The following AKAP8L variants were observed in gnomAD, a reference collection of about 807,000 sequenced individuals.
AKAP8L encodes the protein A-kinase anchoring protein 8 like, also known as A-kinase anchor protein 8-like.
In AKAP8L, 34 loss-of-function variants were observed where a neutral mutation model predicts 77.5. The ratio of observed to expected loss-of-function variants is 0.44; its 90% CI spans 0.33 to 0.58. The LOEUF (loss-of-function observed/expected upper bound fraction) is 0.58. Among genes scored for constraint, AKAP8L ranks in the 20% least tolerant of loss-of-function variants. The pLI, the probability that AKAP8L is intolerant of heterozygous loss-of-function variation, is 0.02. For synonymous variants in AKAP8L, 342 were observed against 340.7 expected, an observed-to-expected ratio of 1.00 and a Z score of -0.04; for missense variants, 806 against 887.6, an observed-to-expected ratio of 0.91 and a Z score of 1.17.
In AKAP8L at chr19:15,401,596, A is replaced by G; in HGVS notation, c.370T>C (p.Ser124Pro). The G allele has an allele frequency of 6.3e-7, 1 of 1,591,466 alleles. No individual in the cohort carries two copies. Among genetic ancestry groups the G allele is most frequent in the Non-Finnish European group, 8.5e-7 (1 of 1,169,790 alleles). ...VYGSGGERYD[S>P]YESCDSRAVL... ...GCCCTCGAGTCGCAGGACTCATAAG[A>G]GTCATACCTGCAGAGGCATGGGGTG... is the stretch of plus-strand genomic sequence containing the variant. Residue 124 changes from serine to proline, a missense_variant, in exon 5 of 14, where the codon TCT becomes CCT. Ser to Pro is a moderately conservative substitution (Grantham distance 74, BLOSUM62 -1). Coordinates refer to ENST00000397410, the MANE Select transcript of AKAP8L (RefSeq NM_014371.4). This position sits in a 1 kb window ranked among gnomAD's most constrained non-coding sequence, Gnocchi z 6.2.
intron 2 of AKAP8L, among the ~76,000 whole-genome samples, chr19:15,404,511 G>T (rs1006497600): frequency 1.3e-5 from 2 of 152,216 alleles, no homozygotes; most frequent in African/African-American, 4.8e-5. Context: ...GAGAAAAGCT[G>T]TGGAGAGAAC....
At chr19:15,395,162 T>C in intron 12 of AKAP8L, among the ~76,000 whole-genome samples, 1 of 152,124 alleles carries the variant, frequency 6.6e-6, no homozygotes, top group Admixed American at 6.5e-5. Flanking sequence ...CCTGAGTAGC[T>C]GGGACTACAT....
chr19:15,415,417 A>G (rs1968185234), intron 1 of AKAP8L, among the ~76,000 whole-genome samples: 1 of 152,182 alleles, frequency 6.6e-6, no homozygotes, highest in Non-Finnish European at 1.5e-5. Flanking sequence ...CCTGGGCAAC[A>G]TAGTGAGACC....
At position 15,395,983 on chromosome 19, in the gene AKAP8L, CAAAA is replaced by C. The variant is rs751904092; in HGVS notation, c.1536+1163_1536+1166del. 4.4e-4 allele frequency among the ~76,000 whole-genome samples: 18 copies of C among 40,502 alleles called. No homozygotes were observed. In the East Asian group the frequency reaches 6.3e-3, roughly 14 times the overall value. 26.6% of individuals were successfully genotyped at this position (40,502 alleles called of 152,430 possible). A position where few individuals can be genotyped will look rare whatever the true frequency, so the allele number is the denominator to read the frequency against. ...TGGGCGACAGAGCGAGACTCCGTCT[CAAAA>C]AAAAAAAAAAAAAAAGAATCTGTTT... On this transcript the variant is annotated intron_variant, in intron 12 of 13. Transcript: ENST00000397410.
Position 15,402,644 on chromosome 19 carries a change from G to A in AKAP8L, c.362+831C>T, listed in dbSNP as rs368198936. ...CACACCCTGCCACCACAGCCCTGGG[G>A]CCTCCCTTGGCCCTATCAGTGCTCA... On this transcript the variant is annotated intron_variant, in intron 4 of 13. Coordinates refer to ENST00000397410, the MANE Select transcript of AKAP8L (RefSeq NM_014371.4). 1.1e-4 allele frequency among the ~76,000 whole-genome samples: 17 copies of A among 152,304 alleles called. No individual in the cohort carries two copies. The East Asian group carries it at 2.5e-3, about 22-fold the overall frequency.
chr19:15,413,809 A>G (rs1412218878), intron 1 of AKAP8L, among the ~76,000 whole-genome samples: 2 of 152,190 alleles, frequency 1.3e-5, no homozygotes, highest in East Asian at 3.9e-4. Flanking sequence ...TGCAAATGAC[A>G]GCCTACCACA....
chr19:15,398,562 G>A lies in AKAP8L; in HGVS notation c.1158-707C>T, dbSNP rs1365636841. 4.1e-6 allele frequency: 4 copies of A among 986,666 alleles called. No homozygotes were observed. The highest frequency in any genetic ancestry group is 2.3e-4 in the East Asian group (2 of 8,836). 61.1% of individuals were successfully genotyped at this position (986,666 alleles called of 1,614,324 possible). On this transcript the variant is annotated intron_variant, in intron 9 of 13. Coordinates refer to ENST00000397410, the MANE Select transcript of AKAP8L (RefSeq NM_014371.4). This position sits in a 1 kb window ranked among gnomAD's most constrained non-coding sequence, Gnocchi z 9.2. ...AAGCCCGGGGTCTGGGGCCTGGGCC[G>A]GAGCAGGCCGCCGTGGCAAGGGGCG... is the stretch of plus-strand genomic sequence containing the variant.
intron 12 of AKAP8L, among the ~76,000 whole-genome samples, chr19:15,385,640 C>G (rs1445161302): frequency 6.6e-6 from 1 of 152,062 alleles, no homozygotes. Context: ...TGCTCTGTTG[C>G]CCCGGCTGGA....
chr19:15,406,246 C>T (rs1967993758), intron 2 of AKAP8L, among the ~76,000 whole-genome samples: 1 of 151,980 alleles, frequency 6.6e-6, no homozygotes, highest in Non-Finnish European at 1.5e-5. Flanking sequence ...CAGGAGGAAG[C>T]CTTCATCTAG....
chr19:15,384,501 T>A (rs1165656388), intron 12 of AKAP8L, among the ~76,000 whole-genome samples: 3 of 151,784 alleles, frequency 2.0e-5, no homozygotes, highest in African/African-American at 7.3e-5. Context: ...GGTTTCATTA[T>A]GTTGGCCAGG....
intron 2 of AKAP8L, among the ~76,000 whole-genome samples, chr19:15,405,909 G>A (rs1043227356): frequency 9.9e-5 from 15 of 151,396 alleles, no homozygotes; most frequent in Non-Finnish European, 1.9e-4. Flanking sequence ...GCGACCGAGC[G>A]AGACTCTGTC....
chr19:15,390,587 T>G (rs935753803), intron 12 of AKAP8L, among the ~76,000 whole-genome samples: 1 of 152,126 alleles, frequency 6.6e-6, no homozygotes, highest in Admixed American at 6.6e-5. Context: ...AGGCCAGTAT[T>G]AATTAACCTG....
chr19:15,403,582 G>A lies in AKAP8L; in HGVS notation c.255C>T (p.Ser85=), dbSNP rs761750188. ...DTNANTSASG[S]ASADSVLSRI... ...TGGATAAAACGGAATCGGCACTGGC[G>A]CTACCCGAGGCACTAGTGTTTGCAT... Residue 85 remains serine (S), a synonymous_variant, in exon 4 of 14, where the codon AGC becomes AGT. Coordinates refer to ENST00000397410, the MANE Select transcript of AKAP8L (RefSeq NM_014371.4). The surrounding 1 kb of genome is among the most constrained non-coding windows in gnomAD (Gnocchi z 4.3). 8.1e-6 allele frequency: 13 copies of A among 1,613,822 alleles called. No homozygotes were observed. Among genetic ancestry groups the A allele is most frequent in the Admixed American group, 6.7e-5 (4 of 59,998 alleles).
chr19:15,414,721 C>G (rs897998947), intron 1 of AKAP8L, among the ~76,000 whole-genome samples: 4 of 152,092 alleles, frequency 2.6e-5, no homozygotes, highest in Admixed American at 2.0e-4. Flanking sequence ...ATCTCCTGAC[C>G]TCGTGATCCG....
intron 1 of AKAP8L, among the ~76,000 whole-genome samples, chr19:15,414,790 C>T (rs979345184): frequency 2.6e-5 from 4 of 151,780 alleles, no homozygotes; most frequent in Non-Finnish European, 4.4e-5. Context: ...GCCTAGCCCA[C>T]GGATTTCTTT....
chr19:15,416,094 TG>T (rs1472705263), intron 1 of AKAP8L, among the ~76,000 whole-genome samples: 2 of 151,920 alleles, frequency 1.3e-5, no homozygotes, highest in South Asian at 2.1e-4. Context: ...CCCAAAGTGT[TG>T]TGATTACAAG....
chr19:15,385,918 CTTTTTTTTT>C (rs1220218326), intron 12 of AKAP8L, among the ~76,000 whole-genome samples: 1 of 99,692 alleles, frequency 1.0e-5, no homozygotes, highest in Non-Finnish European at 1.9e-5. Flanking sequence ...TCTTTTTTTT[CTTTTTTTTT>C]TTTTGAGGAG....
chr19:15,380,897 C>T (rs1967398271), intron 12 of AKAP8L: 1 of 434,026 alleles, frequency 2.3e-6, no homozygotes, highest in Non-Finnish European at 4.2e-6. Flanking sequence ...TACAAAAAAG[C>T]TATAAGCAGT....
At chr19:15,384,587 C>T (rs1161043952) in intron 12 of AKAP8L, among the ~76,000 whole-genome samples, 4 of 152,198 alleles carry the variant, frequency 2.6e-5, no homozygotes, top group Non-Finnish European at 4.4e-5. Flanking sequence ...AGGCATGAGC[C>T]ACCATGCCTG....
Sources: allele counts gnomAD v4.1 joint callset (sites outside exome capture counted in the v4.1 genomes callset), GRCh38; gene constraint gnomAD v4.1.1; non-coding constraint Gnocchi (gnomAD v3.1); transcripts MANE v1.5; gene names NCBI Gene and HGNC (gene_info 2026-07-23, HGNC 2026-07-21).